Variants in BIRC6 observed in about 807,000 individuals in gnomAD.
BIRC6 encodes the protein baculoviral IAP repeat containing 6.
In BIRC6, 98 loss-of-function variants were observed where a neutral mutation model predicts 503.3. That is an observed-to-expected ratio of 0.19 (90% CI 0.17 to 0.23). The LOEUF is 0.23. BIRC6 is among the 10% of genes least tolerant of loss of function. BIRC6 has a pLI of 1.00. For synonymous variants in BIRC6, 2,240 were observed against 2,078.7 expected, an observed-to-expected ratio of 1.08 and a Z score of -2.11; for missense variants, 5,360 against 5,806.0, an observed-to-expected ratio of 0.92 and a Z score of 2.50.
At chr2:32,467,118 C>CAAA (rs1207152761) in intron 26 of BIRC6, among the ~76,000 whole-genome samples, 1,063 of 81,986 alleles carry the variant, frequency 0.013, 7 homozygotes, top group African/African-American at 0.03. Context: ...GACTCCGTCT[C>CAAA]AAAAAAAAAA....
chr2:32,617,675 T>A, intron 73 of BIRC6, 50 bp from the exon 74 acceptor site: 1 of 1,539,308 alleles, frequency 6.5e-7, no homozygotes, highest in Non-Finnish European at 8.8e-7. Context: ...TCAAATGATG[T>A]TGTGCTAGAG....
Position 32,436,164 on chromosome 2 carries a change from C to G in BIRC6, c.3611C>G (p.Thr1204Arg), listed in dbSNP as rs1430597183. Residue 1204 changes from threonine (T) to arginine (R), a missense_variant, in exon 15 of 74, where the codon ACA becomes AGA. By Grantham distance (71) the Thr-to-Arg change is moderately conservative (BLOSUM62 -1). Around this residue, in one of 16 missense-constraint regions of BIRC6, gnomAD observed 2,299 missense variants for 2,267.2 expected, o/e 1.01. Transcript: ENST00000421745. Reference protein sequence around the residue: ...LSGHAGMLTLTSPKLVKGMAG... With the variant: ...LSGHAGMLTLRSPKLVKGMAG... ...GGGCATGCTGGAATGTTGACGTTAA[C>G]AAGCCCCAAACTTGTTAAAGGTGAA... 1.4e-6 allele frequency: 2 copies of G among 1,460,554 alleles called. No homozygotes were observed. The highest frequency in any genetic ancestry group is 9.2e-7 in the Non-Finnish European group (1 of 1,086,892). The allele number at this position is 1,460,554 out of a possible 1,614,324, so 90.5% of individuals were successfully genotyped here.
chr2:32,497,115 C>A (rs1170264872), intron 45 of BIRC6, among the ~76,000 whole-genome samples: 1 of 152,140 alleles, frequency 6.6e-6, no homozygotes, highest in Non-Finnish European at 1.5e-5. Context: ...TTAGATGTTT[C>A]CCTGCATCTG....
intron 3 of BIRC6, among the ~76,000 whole-genome samples, chr2:32,385,606 A>G (rs777313649): frequency 5.3e-5 from 8 of 152,190 alleles, no homozygotes; most frequent in African/African-American, 1.2e-4. Flanking sequence ...GATTGTCCCA[A>G]TTAGGTTGCC....
Position 32,357,520 on chromosome 2 carries a change from CG to C in BIRC6, c.325+38del, listed in dbSNP as rs958901467. 6.5e-7 allele frequency: 1 copy of C among 1,534,444 alleles called. No individual in the cohort carries two copies. The highest frequency in any genetic ancestry group is 1.4e-5 in the African/African-American group (1 of 71,206). On this transcript the variant is annotated intron_variant, in intron 1 of 73. Transcript: ENST00000421745. The surrounding 1 kb of genome is among the most constrained non-coding windows in gnomAD (Gnocchi z 4.9). The stretch of plus-strand genomic sequence containing the variant: ...TCCGCACGCCGGGCGGGCGCGAAGC[CG>C]GGGAAAGAAGCCGTCCAGCCCCGGG...
chr2:32,549,320 C>T lies in BIRC6; in HGVS notation c.12983C>T (p.Ala4328Val). 6.9e-7 allele frequency: 1 copy of T among 1,445,554 alleles called. No homozygotes were observed. The highest frequency in any genetic ancestry group is 9.3e-7 in the Non-Finnish European group (1 of 1,080,942). The allele number at this position is 1,445,554 out of a possible 1,614,324, so 89.5% of individuals were successfully genotyped here. A position where few individuals can be genotyped will look rare whatever the true frequency, so the allele number is the denominator to read the frequency against. ...AATTTCAACAATTTTTAGGTTCTTG[C>T]CAGTTACATAAATCCCGTCAGTAGT... ...EHVTCLLQVL[A>V]SYINPVSSAV... The change falls in exon 65 of 74, where the codon GCC becomes GTC. Residue 4328 changes from alanine to valine, a missense_variant. This residue lies in a region of BIRC6 where 477 missense variants were observed against 574.4 expected (regional missense o/e 0.83). Transcript: ENST00000421745.
intron 19 of BIRC6, among the ~76,000 whole-genome samples, chr2:32,443,253 A>G (rs1285575893): frequency 6.6e-6 from 1 of 152,192 alleles, no homozygotes; most frequent in Middle Eastern, 3.2e-3. Context: ...TCTAAGAGCT[A>G]ATGGTCAGTA....
chr2:32,386,950 C>T (rs1343764592), intron 3 of BIRC6, among the ~76,000 whole-genome samples: 1 of 152,036 alleles, frequency 6.6e-6, no homozygotes, highest in Non-Finnish European at 1.5e-5. Context: ...GGGGAAGTAA[C>T]TATTACACAA....
At chr2:32,438,187 A>G (rs1470870741) in intron 15 of BIRC6, among the ~76,000 whole-genome samples, 3 of 152,212 alleles carry the variant, frequency 2.0e-5, no homozygotes, top group African/African-American at 7.2e-5. Context: ...ATTTTTTTCC[A>G]TAAAATTCTC....
rs1277141518 is a variant in BIRC6 at position 32,503,070 on chromosome 2, G to T, written c.9333G>T (p.Met3111Ile). Residue 3111 changes from methionine to isoleucine, a missense_variant, in exon 49 of 74, where the codon ATG becomes ATT. By Grantham distance (10) the Met-to-Ile change is conservative. Transcript: ENST00000421745. ...MGGVQLICNN[M>I]VTSTRAIVNT... Reference sequence around the variant, plus strand: ...GTGTTCAGCTCATATGCAATAATATGGTTACTAGTACAAGGGCTATTGTGA... The same window carrying T: ...GTGTTCAGCTCATATGCAATAATATTGTTACTAGTACAAGGGCTATTGTGA... The T allele has an allele frequency of 6.2e-7, 1 of 1,605,002 alleles. No individual in the cohort carries two copies.
intron 22 of BIRC6, among the ~76,000 whole-genome samples, chr2:32,450,366 G>A (rs1396478829): frequency 6.6e-6 from 1 of 152,060 alleles, no homozygotes; most frequent in Non-Finnish European, 1.5e-5. Context: ...GTAGGCTGAG[G>A]CAGGAGAATG....
intron 12 of BIRC6, among the ~76,000 whole-genome samples, chr2:32,433,173 T>A (rs968128254): frequency 6.6e-6 from 1 of 152,106 alleles, no homozygotes; most frequent in Non-Finnish European, 1.5e-5. Flanking sequence ...TCATAATGAG[T>A]TTGAGATGTC....
In BIRC6 at chr2:32,357,413, C is replaced by T. The variant is rs151145607; in HGVS notation, c.252C>T (p.Ala84=). ...SYHPALNAIL[A]VTSRGTIKVI... ...ACCCTGCGCTCAACGCCATCCTGGC[C>T]GTCACTAGCCGCGGGACCATCAAAG... is the stretch of plus-strand genomic sequence containing the variant. The change falls in exon 1 of 74, where the codon GCC becomes GCT. Residue 84 remains alanine (A), a synonymous_variant. Transcript: ENST00000421745. This position sits in a 1 kb window ranked among gnomAD's most constrained non-coding sequence, Gnocchi z 4.9. 10 of 1,549,664 alleles carry T rather than the reference C, an allele frequency of 6.5e-6. No individual in the cohort carries two copies. In the African/African-American group the frequency reaches 9.6e-5, roughly 15 times the overall value.
At chr2:32,571,904 A>C (rs1339159897) in intron 65 of BIRC6, among the ~76,000 whole-genome samples, 2 of 152,094 alleles carry the variant, frequency 1.3e-5, no homozygotes. Context: ...GCTATATCCC[A>C]CAGTTTTTCT....
intron 66 of BIRC6, among the ~76,000 whole-genome samples, chr2:32,590,384 T>A (rs576157161): frequency 2.0e-5 from 3 of 152,334 alleles, no homozygotes; most frequent in Admixed American, 6.5e-5. Context: ...TCTCCTTTTT[T>A]AAATGTTTAT....
In BIRC6 at chr2:32,505,193, G is replaced by T; in HGVS notation, c.9688G>T (p.Ala3230Ser). 8 of 1,566,408 alleles carry T rather than the reference G, an allele frequency of 5.1e-6. No individual in the cohort carries two copies. Among genetic ancestry groups the T allele is most frequent in the Non-Finnish European group, 6.9e-6 (8 of 1,153,634 alleles). Residue 3230 changes from alanine (A) to serine (S), a missense_variant, in exon 50 of 74, where the codon GCA (alanine) becomes TCA (serine). Physicochemically the swap from Ala to Ser is moderately conservative, Grantham distance 99 (BLOSUM62 1). Coordinates refer to ENST00000421745, the MANE Select transcript of BIRC6 (RefSeq NM_016252.4). ...GGAGATACATATCCAGCCTCATCTT[G>T]CATCTCTTGCAAGTGAGTAATATTT... ...LKEIHIQPHLASLATCPSSVS... is the reference protein window; with the variant it reads ...LKEIHIQPHLSSLATCPSSVS...
At chr2:32,562,205 ATT>A (rs2059241128) in intron 65 of BIRC6, among the ~76,000 whole-genome samples, 1 of 152,052 alleles carries the variant, frequency 6.6e-6, no homozygotes, top group South Asian at 2.1e-4. Context: ...GAAGATTCTC[ATT>A]TTGTGGTTTT....
chr2:32,599,688 T>C, intron 69 of BIRC6, 51 bp from the exon 70 acceptor site: 1 of 1,526,594 alleles, frequency 6.6e-7, no homozygotes, highest in Non-Finnish European at 9.0e-7. Flanking sequence ...TTTCTAAATA[T>C]CAGTGTTTAG....
At chr2:32,610,162 G>C (rs1014701897) in intron 72 of BIRC6, among the ~76,000 whole-genome samples, 1 of 152,176 alleles carries the variant, frequency 6.6e-6, no homozygotes, top group East Asian at 1.9e-4. Context: ...ATTGGTGTTT[G>C]ACATTCATTC....
Sources: allele counts gnomAD v4.1 joint callset (sites outside exome capture counted in the v4.1 genomes callset), GRCh38; gene constraint gnomAD v4.1.1; regional missense constraint gnomAD v4.1.1; non-coding constraint Gnocchi (gnomAD v3.1); transcripts MANE v1.5; gene names NCBI Gene and HGNC (gene_info 2026-07-23, HGNC 2026-07-21).